The following ETV6 variants were observed in gnomAD, a reference collection of about 807,000 sequenced individuals.
The protein encoded by ETV6 is ETS variant transcription factor 6, also known as transcription factor ETV6.
A neutral mutation model predicts 51.1 loss-of-function variants in ETV6; 16 were observed. That is an observed-to-expected ratio of 0.31 (90% CI 0.21 to 0.48). The LOEUF (loss-of-function observed/expected upper bound fraction) is 0.48, where lower values mean the gene tolerates loss of function less well. Ranked by LOEUF, ETV6 falls within the 20% of genes least tolerant of loss-of-function variation. The pLI is 0.99. For missense variants in ETV6, 458 were observed against 594.8 expected (o/e 0.77, Z 2.39); for synonymous variants, 240 against 224.1 (o/e 1.07, Z -0.64).
At chr12:11,657,801 G>A (rs1181607946) in intron 1 of ETV6, among the ~76,000 whole-genome samples, 3 of 152,194 alleles carry the variant, frequency 2.0e-5, no homozygotes, top group Non-Finnish European at 2.9e-5. Context: ...CAGTCACCAC[G>A]TCTTTCGATT....
intron 2 of ETV6, among the ~76,000 whole-genome samples, chr12:11,813,962 A>G (rs1945952596): frequency 6.6e-6 from 1 of 152,232 alleles, no homozygotes; most frequent in African/African-American, 2.4e-5. Flanking sequence ...AATTCTTACA[A>G]GGCATGAATT....
rs531836385 is a variant in ETV6, at chr12:11,860,363, G to A, written c.463+6802G>A. Among the ~76,000 whole-genome samples the A allele has an allele frequency of 7.9e-5, 12 of 152,252 alleles. No individual in the cohort carries two copies. In the South Asian group the frequency reaches 1.2e-3, roughly 16 times the overall value. ...ACAGAGCCAGAGAGCATGCCGGCACGTATATGCGTGCACTCTACATCCCCC... is the reference window on the plus strand; with the variant it reads ...ACAGAGCCAGAGAGCATGCCGGCACATATATGCGTGCACTCTACATCCCCC... On this transcript the variant is annotated intron_variant, in intron 4 of 7. Coordinates refer to ENST00000396373, the MANE Select transcript of ETV6 (RefSeq NM_001987.5).
intron 2 of ETV6, among the ~76,000 whole-genome samples, chr12:11,796,779 TTG>T (rs1555132566): frequency 7.1e-6 from 1 of 141,028 alleles, no homozygotes; most frequent in African/African-American, 2.6e-5. Flanking sequence ...TTTTTTTTTT[TTG>T]TGTGTGTGTG....
rs554314114 is a variant in ETV6 at position 11,719,989 on chromosome 12, G to A, written c.34-32461G>A. On this transcript the variant is annotated intron_variant, in intron 1 of 7. Transcript: ENST00000396373. The stretch of plus-strand genomic sequence containing the variant: ...ATCTTTTACCGCCCCCTCTCCCACC[G>A]TGGCCTCAGGCTCCCACCATGCAGG... Among the ~76,000 whole-genome samples the A allele has an allele frequency of 6.6e-4, 101 of 152,308 alleles. 1 individual carries two copies. The highest frequency in any genetic ancestry group is 4.1e-4 in the South Asian group (2 of 4,828).
chr12:11,884,075 G>A (rs1947149025), intron 5 of ETV6, among the ~76,000 whole-genome samples: 1 of 151,810 alleles, frequency 6.6e-6, no homozygotes, highest in Admixed American at 6.6e-5. Context: ...TTTCCTTCCA[G>A]CCTGCATTTA....
chr12:11,660,960 C>G (rs1198589972), intron 1 of ETV6, among the ~76,000 whole-genome samples: 3 of 152,202 alleles, frequency 2.0e-5, no homozygotes, highest in African/African-American at 4.8e-5. Context: ...AATGGCACAT[C>G]TGAAGGATTG....
At chr12:11,703,729 AG>A (rs1392350288) in intron 1 of ETV6, among the ~76,000 whole-genome samples, 1 of 152,220 alleles carries the variant, frequency 6.6e-6, no homozygotes, top group Non-Finnish European at 1.5e-5. Context: ...GCAGATGTGG[AG>A]TTTCCTTCTT....
At chr12:11,651,500 T>A (rs1187486593) in intron 1 of ETV6, among the ~76,000 whole-genome samples, 1 of 152,212 alleles carries the variant, frequency 6.6e-6, no homozygotes, top group African/African-American at 2.4e-5. Flanking sequence ...TCTTTGTTTT[T>A]GCCTCACAAA....
At chr12:11,848,371 T>C (rs1034231635) in intron 3 of ETV6, among the ~76,000 whole-genome samples, 3 of 152,188 alleles carry the variant, frequency 2.0e-5, no homozygotes, top group African/African-American at 7.2e-5. Flanking sequence ...CCAAATTCTT[T>C]CCTCTAAAAT....
intron 1 of ETV6, among the ~76,000 whole-genome samples, chr12:11,705,307 T>C (rs1312744696): frequency 6.6e-6 from 1 of 152,210 alleles, no homozygotes; most frequent in Non-Finnish European, 1.5e-5. Flanking sequence ...GTTAATTTTT[T>C]CTACAATAGC....
chr12:11,869,593 C>T lies in ETV6; in HGVS notation c.633C>T (p.Arg211=). The T allele has an allele frequency of 6.2e-7, 1 of 1,614,214 alleles. No individual in the cohort carries two copies. The change falls in exon 5 of 8, where the codon CGC becomes CGT. Residue 211 remains arginine, a synonymous_variant. Coordinates refer to ENST00000396373, the MANE Select transcript of ETV6 (RefSeq NM_001987.5). This position sits in a 1 kb window ranked among gnomAD's most constrained non-coding sequence, Gnocchi z 5.0. ...CCCCCCTGGACAACATGATCCGCCG[C>T]CTCTCCCCGGCTGAGAGAGCTCAGG... is the stretch of plus-strand genomic sequence containing the variant. ...LRSPLDNMIR[R]LSPAERAQGP...
At chr12:11,805,225 G>A (rs60889587) in intron 2 of ETV6, among the ~76,000 whole-genome samples, 4,766 of 152,246 alleles carry the variant, frequency 0.031, 206 homozygotes, top group East Asian at 0.092. Context: ...AAACGAGTTT[G>A]TTTATTGGTA....
intron 2 of ETV6, among the ~76,000 whole-genome samples, chr12:11,814,360 T>A (rs571668851): frequency 2.0e-4 from 30 of 151,618 alleles, no homozygotes; most frequent in African/African-American, 4.9e-4. Context: ...TAAAAAAAAA[T>A]TTTTTTTTTC....
chr12:11,702,332 G>A (rs1864998767), intron 1 of ETV6, among the ~76,000 whole-genome samples: 1 of 152,080 alleles, frequency 6.6e-6, no homozygotes, highest in South Asian at 2.1e-4. Context: ...CCAGTTTAGA[G>A]GTCTGTTTTT....
chr12:11,741,124 C>T (rs893229385), intron 1 of ETV6, among the ~76,000 whole-genome samples: 1 of 152,122 alleles, frequency 6.6e-6, no homozygotes, highest in Non-Finnish European at 1.5e-5. Flanking sequence ...CAAGGCATTT[C>T]TTCAGATTAT....
chr12:11,815,323 T>C (rs1945974842), intron 2 of ETV6, among the ~76,000 whole-genome samples: 1 of 152,260 alleles, frequency 6.6e-6, no homozygotes, highest in East Asian at 1.9e-4. Context: ...CACAAGGTTC[T>C]AATTCCTTCT....
intron 2 of ETV6, among the ~76,000 whole-genome samples, chr12:11,834,609 T>C (rs1946288708): frequency 6.6e-6 from 1 of 152,238 alleles, no homozygotes; most frequent in African/African-American, 2.4e-5. Flanking sequence ...CAAGCAGTTA[T>C]GTTGATTATT....
In ETV6 at chr12:11,789,072, G is replaced by A. The variant is rs923046052; in HGVS notation, c.163+36493G>A. 3.3e-5 allele frequency among the ~76,000 whole-genome samples: 5 copies of A among 151,914 alleles called. No individual in the cohort carries two copies. In the South Asian group the frequency reaches 6.2e-4, roughly 19 times the overall value. Reference sequence around the variant, plus strand: ...TTTTGAGACAGAGGCTCACATTGTCGCCCGGACTGGAGTGCAGTTGTGTGA... The same window carrying A: ...TTTTGAGACAGAGGCTCACATTGTCACCCGGACTGGAGTGCAGTTGTGTGA... On this transcript the variant is annotated intron_variant, in intron 2 of 7. Transcript: ENST00000396373.
At chr12:11,817,555 A>T (rs980720953) in intron 2 of ETV6, among the ~76,000 whole-genome samples, 12 of 152,248 alleles carry the variant, frequency 7.9e-5, no homozygotes, top group African/African-American at 2.9e-4. Context: ...TAATGATCTC[A>T]GTGTCTACTT....
Sources: allele counts gnomAD v4.1 joint callset (sites outside exome capture counted in the v4.1 genomes callset), GRCh38; gene constraint gnomAD v4.1.1; non-coding constraint Gnocchi (gnomAD v3.1); transcripts MANE v1.5; gene names NCBI Gene and HGNC (gene_info 2026-07-23, HGNC 2026-07-21).